The following SLC8A3 variants were observed in gnomAD, a reference collection of about 807,000 sequenced individuals.
SLC8A3 encodes sodium/calcium exchanger 3.
SLC8A3 carries 37 observed loss-of-function variants against 65.4 expected under a neutral mutation model. The ratio of observed to expected loss-of-function variants is 0.57; its 90% CI spans 0.44 to 0.74. SLC8A3 has a LOEUF of 0.74. Ranked by LOEUF, SLC8A3 falls within the 30% of genes least tolerant of loss-of-function variation. The pLI is 0.00. For synonymous variants in SLC8A3, 461 were observed against 444.5 expected (o/e 1.04, Z -0.47); for missense variants, 1,112 against 1,172.1 (o/e 0.95, Z 0.75).
At chr14:70,067,703 C>G (rs1403141460) in intron 2 of SLC8A3, among the ~76,000 whole-genome samples, 1 of 152,240 alleles carries the variant, frequency 6.6e-6, no homozygotes, top group Non-Finnish European at 1.5e-5. Flanking sequence ...GACAAAGAAG[C>G]TGCAGACCCA....
At chr14:70,110,490 G>A (rs1893213942) in intron 2 of SLC8A3, among the ~76,000 whole-genome samples, 1 of 151,972 alleles carries the variant, frequency 6.6e-6, no homozygotes, top group South Asian at 2.1e-4. Context: ...ATGATCTCCA[G>A]TTCCATCCAT....
chr14:70,154,723 ATAATT>A (rs967691556), intron 2 of SLC8A3, among the ~76,000 whole-genome samples: 1 of 152,206 alleles, frequency 6.6e-6, no homozygotes, highest in Non-Finnish European at 1.5e-5. Flanking sequence ...ACCCTTAGAT[ATAATT>A]TAAAACATTA....
At chr14:70,050,012 T>C (rs959637076) in intron 5 of SLC8A3, among the ~76,000 whole-genome samples, 1 of 152,352 alleles carries the variant, frequency 6.6e-6, no homozygotes, top group African/African-American at 2.4e-5. Context: ...GCATAACCGG[T>C]AGAAGCTGGG....
At chr14:70,091,211 C>T (rs1406076189) in intron 2 of SLC8A3, among the ~76,000 whole-genome samples, 1 of 152,208 alleles carries the variant, frequency 6.6e-6, no homozygotes, top group Non-Finnish European at 1.5e-5. Context: ...ATCACGTTTT[C>T]TACTCATTTT....
chr14:70,055,804 A>G (rs748960189), intron 3 of SLC8A3: 6 of 1,611,206 alleles, frequency 3.7e-6, no homozygotes, highest in Non-Finnish European at 5.1e-6. Flanking sequence ...ACCTGGAGAT[A>G]ACAGGAGCGC....
chr14:70,059,866 T>A lies in SLC8A3; in HGVS notation c.1888+970A>T, dbSNP rs189845068. On this transcript the variant is annotated intron_variant, in intron 3 of 6. Coordinates refer to ENST00000356921, the MANE Select transcript of SLC8A3 (RefSeq NM_182932.3). ...ACACTCCAGGCCTGCCCAATGTCAG[T>A]CCTTTTCTGGGGCCCCTGGCTACGG... Among the ~76,000 whole-genome samples the A allele has an allele frequency of 1.4e-3, 207 of 152,276 alleles. 2 individuals carry two copies. The highest frequency in any genetic ancestry group is 2.4e-3 in the Non-Finnish European group (166 of 68,024).
At chr14:70,100,120 G>A (rs756446306) in intron 2 of SLC8A3, among the ~76,000 whole-genome samples, 1 of 152,202 alleles carries the variant, frequency 6.6e-6, no homozygotes, top group Non-Finnish European at 1.5e-5. Context: ...ATAAATAAAT[G>A]AGTTCAAAAG....
At chr14:70,099,133 T>C (rs1193706513) in intron 2 of SLC8A3, among the ~76,000 whole-genome samples, 1 of 152,232 alleles carries the variant, frequency 6.6e-6, no homozygotes, top group Non-Finnish European at 1.5e-5. Context: ...TATTTTCCAT[T>C]GCAATTGCAC....
chr14:70,104,378 G>C (rs1426214301), intron 2 of SLC8A3, among the ~76,000 whole-genome samples: 4 of 152,062 alleles, frequency 2.6e-5, no homozygotes, highest in African/African-American at 4.8e-5. Context: ...TAAAGATAAA[G>C]ATTGTGGGAT....
At chr14:70,094,929 G>C (rs1422206321) in intron 2 of SLC8A3, among the ~76,000 whole-genome samples, 1 of 152,234 alleles carries the variant, frequency 6.6e-6, no homozygotes, top group African/African-American at 2.4e-5. Flanking sequence ...GACAGCAGCA[G>C]TATTGCAAAG....
intron 2 of SLC8A3, among the ~76,000 whole-genome samples, chr14:70,164,880 C>T (rs1245254495): frequency 6.6e-6 from 1 of 152,190 alleles, no homozygotes; most frequent in Non-Finnish European, 1.5e-5. Context: ...TATAAACACT[C>T]TCCCCAGAGT....
rs1333973210 is a variant in SLC8A3 at position 70,045,462 on chromosome 14, C to T, written c.*485G>A. 1 of 152,778 alleles carries T rather than the reference C, an allele frequency of 6.5e-6. No individual in the cohort carries two copies. Among genetic ancestry groups the T allele is most frequent in the Non-Finnish European group, 1.5e-5 (1 of 68,512 alleles). 9.5% of individuals were successfully genotyped at this position (152,778 alleles called of 1,614,324 possible). ...CCTAATGGCAAAACGAAAGCAACCA[C>T]AATAATGATTACAATGAAAAAAGAA... On this transcript the variant is annotated 3_prime_UTR_variant, in exon 7 of 7. Transcript: ENST00000356921.
At chr14:70,139,501 G>T (rs1396896187) in intron 2 of SLC8A3, among the ~76,000 whole-genome samples, 1 of 152,176 alleles carries the variant, frequency 6.6e-6, no homozygotes, top group African/African-American at 2.4e-5. Context: ...GCAGCTTCTC[G>T]CCCAGCAGAA....
At chr14:70,067,754 C>T (rs1455700084) in intron 2 of SLC8A3, among the ~76,000 whole-genome samples, 1 of 152,242 alleles carries the variant, frequency 6.6e-6, no homozygotes, top group African/African-American at 2.4e-5. Context: ...TAACATACCA[C>T]ATTTGTCTAC....
chr14:70,054,752 AT>A (rs943167767), intron 3 of SLC8A3, among the ~76,000 whole-genome samples: 3 of 152,016 alleles, frequency 2.0e-5, no homozygotes, highest in East Asian at 1.9e-4. Context: ...AGTTACCTAC[AT>A]TTTTTTTGTT....
intron 2 of SLC8A3, among the ~76,000 whole-genome samples, chr14:70,132,593 G>A (rs1414021992): frequency 6.6e-6 from 1 of 152,178 alleles, no homozygotes; most frequent in African/African-American, 2.4e-5. Context: ...GGAGGCAAAT[G>A]TGGATGAAAC....
intron 1 of SLC8A3, among the ~76,000 whole-genome samples, chr14:70,186,831 A>G (rs1883268125): frequency 6.6e-6 from 1 of 152,182 alleles, no homozygotes; most frequent in Admixed American, 6.5e-5. Flanking sequence ...AGCAAAAAGA[A>G]GCCCCAGCCC....
chr14:70,168,658 C>T (rs1897321661), intron 1 of SLC8A3, among the ~76,000 whole-genome samples, 174 bp from the exon 2 acceptor site: 1 of 152,184 alleles, frequency 6.6e-6, no homozygotes, highest in Admixed American at 6.5e-5. Flanking sequence ...GCTGCTCTGT[C>T]CTCCAAACCA....
At chr14:70,102,507 A>T (rs754581867) in intron 2 of SLC8A3, among the ~76,000 whole-genome samples, 6 of 152,228 alleles carry the variant, frequency 3.9e-5, no homozygotes, top group Non-Finnish European at 5.9e-5. Flanking sequence ...AAGATCACTC[A>T]ATAGAAAATA....
Sources: allele counts gnomAD v4.1 joint callset (sites outside exome capture counted in the v4.1 genomes callset), GRCh38; gene constraint gnomAD v4.1.1; transcripts MANE v1.5; gene names NCBI Gene and HGNC (gene_info 2026-07-23, HGNC 2026-07-21).